Variants in CSMD1 observed in about 807,000 individuals in gnomAD.
CSMD1 encodes the protein CUB and sushi domain-containing protein 1.
CSMD1 carries 213 observed loss-of-function variants against 417.5 expected under a neutral mutation model. That is an observed-to-expected ratio of 0.51 (90% confidence interval 0.46 to 0.57). The LOEUF is 0.57. CSMD1 is among the 20% of genes least tolerant of loss of function. The pLI is 0.00. For missense variants in CSMD1, 6,923 were observed against 4,529.7 expected, an observed-to-expected ratio of 1.53 and a Z score of -15.17; for synonymous variants, 2,862 against 1,736.8, an observed-to-expected ratio of 1.65 and a Z score of -16.11.
chr8:4,634,786 A>G (rs143451254), intron 2 of CSMD1, among the ~76,000 whole-genome samples: 14 of 152,324 alleles, frequency 9.2e-5, no homozygotes, highest in Non-Finnish European at 1.3e-4. Context: ...CTGAATGTTG[A>G]AAGAGAAAAC....
At chr8:3,083,941 G>A (rs1450513264) in intron 49 of CSMD1, among the ~76,000 whole-genome samples, 2 of 151,886 alleles carry the variant, frequency 1.3e-5, no homozygotes, top group Non-Finnish European at 2.9e-5. Context: ...TTGGAATACA[G>A]GTGTCAGCCA....
intron 2 of CSMD1, among the ~76,000 whole-genome samples, chr8:4,479,675 C>T (rs951401593): frequency 3.3e-5 from 5 of 152,034 alleles, no homozygotes; most frequent in Non-Finnish European, 7.4e-5. Context: ...GTGGGTAGAC[C>T]ACGAGGTCAG....
At chr8:3,239,379 T>G (rs1255408507) in intron 26 of CSMD1, among the ~76,000 whole-genome samples, 1 of 98,060 alleles carries the variant, frequency 1.0e-5, no homozygotes, top group African/African-American at 3.1e-5. Flanking sequence ...TGAAGAATTA[T>G]GTCTGACAGA....
Position 4,151,971 on chromosome 8 carries a change from T to C in CSMD1, c.416-119872A>G, listed in dbSNP as rs117089265. 1.5e-3 allele frequency among the ~76,000 whole-genome samples: 233 copies of C among 152,300 alleles called. 4 individuals are homozygous for C. In the East Asian group the frequency reaches 0.019, roughly 12 times the overall value. ...CAATGGGAGGTGTAAGCAGTTACAATCCTTCCTGCTTGTGGTTTGCTAGGG... is the reference window on the plus strand; with the variant it reads ...CAATGGGAGGTGTAAGCAGTTACAACCCTTCCTGCTTGTGGTTTGCTAGGG... On this transcript the variant is annotated intron_variant, in intron 3 of 69. Transcript: ENST00000635120.
chr8:2,956,271 T>A (rs533486447), intron 63 of CSMD1, among the ~76,000 whole-genome samples: 1 of 152,062 alleles, frequency 6.6e-6, no homozygotes, highest in Non-Finnish European at 1.5e-5. Flanking sequence ...CTTTAATGTG[T>A]ATTTAGAAAC....
chr8:4,268,991 T>C (rs560253172), intron 3 of CSMD1, among the ~76,000 whole-genome samples: 366 of 152,348 alleles, frequency 2.4e-3, no homozygotes, highest in African/African-American at 8.4e-3. Flanking sequence ...AAACATTTTC[T>C]TAATTTCCTG....
intron 2 of CSMD1, among the ~76,000 whole-genome samples, chr8:4,457,492 A>T (rs560061823): frequency 6.6e-6 from 1 of 152,168 alleles, no homozygotes; most frequent in Non-Finnish European, 1.5e-5. Context: ...GTAGTTTTCT[A>T]TAAGAAATGA....
intron 5 of CSMD1, among the ~76,000 whole-genome samples, chr8:3,762,525 G>A (rs1173955987): frequency 2.0e-5 from 3 of 152,232 alleles, no homozygotes; most frequent in Non-Finnish European, 4.4e-5. Flanking sequence ...TATATCCTCT[G>A]TGACTCAGCG....
chr8:4,331,088 C>A (rs1563063168), intron 3 of CSMD1, among the ~76,000 whole-genome samples: 1 of 152,162 alleles, frequency 6.6e-6, no homozygotes. Context: ...CTCCAATATG[C>A]AACTACATAT....
intron 3 of CSMD1, among the ~76,000 whole-genome samples, chr8:4,153,955 C>A (rs900451900): frequency 2.0e-5 from 3 of 152,180 alleles, no homozygotes; most frequent in Non-Finnish European, 4.4e-5. Context: ...GTGTTTTCTG[C>A]ATTACTGACA....
intron 4 of CSMD1, among the ~76,000 whole-genome samples, chr8:4,005,323 G>A (rs979874630): frequency 6.6e-6 from 1 of 152,126 alleles, no homozygotes; most frequent in Admixed American, 6.5e-5. Context: ...CAAGCCTACA[G>A]ACATTCATTG....
intron 26 of CSMD1, among the ~76,000 whole-genome samples, chr8:3,269,713 A>G (rs1390012030): frequency 1.3e-5 from 2 of 152,096 alleles, no homozygotes; most frequent in Non-Finnish European, 2.9e-5. Flanking sequence ...GCTGAACTCC[A>G]TTTTCGTGAG....
intron 2 of CSMD1, among the ~76,000 whole-genome samples, chr8:4,570,956 G>C (rs979846127): frequency 6.6e-6 from 1 of 152,066 alleles, no homozygotes; most frequent in African/African-American, 2.4e-5. Context: ...TTCTGTGGTG[G>C]TACTTTGTAT....
At chr8:3,276,983 G>A (rs1802339613) in intron 26 of CSMD1, among the ~76,000 whole-genome samples, 2 of 152,104 alleles carry the variant, frequency 1.3e-5, no homozygotes, top group South Asian at 4.1e-4. Context: ...TTTGGGGACT[G>A]GAAGTGACAA....
chr8:4,287,757 T>G (rs1275518246), intron 3 of CSMD1, among the ~76,000 whole-genome samples: 1 of 151,776 alleles, frequency 6.6e-6, no homozygotes, highest in Non-Finnish European at 1.5e-5. Flanking sequence ...CCACTGAAAG[T>G]GGACCCGGTC....
At chr8:4,004,804 G>C (rs1585117026) in intron 4 of CSMD1, among the ~76,000 whole-genome samples, 1 of 152,090 alleles carries the variant, frequency 6.6e-6, no homozygotes, top group Non-Finnish European at 1.5e-5. Context: ...GAGTGCAGTG[G>C]CGCGATCTTG....
intron 5 of CSMD1, among the ~76,000 whole-genome samples, chr8:3,992,334 C>G (rs1018246660): frequency 2.0e-5 from 3 of 152,076 alleles, no homozygotes; most frequent in African/African-American, 7.2e-5. Context: ...TCTGGGGTGA[C>G]AGTTTTGTAA....
intron 1 of CSMD1, among the ~76,000 whole-genome samples, chr8:4,940,505 G>A (rs1017528557): frequency 6.6e-6 from 1 of 152,164 alleles, no homozygotes; most frequent in African/African-American, 2.4e-5. Flanking sequence ...TGCTAACCTA[G>A]GCACTTGAAT....
intron 9 of CSMD1, among the ~76,000 whole-genome samples, chr8:3,575,862 C>G (rs558292666): frequency 2.0e-5 from 3 of 149,604 alleles, no homozygotes; most frequent in East Asian, 4.0e-4. Context: ...TTTTTTAAAT[C>G]AATACACATA....
Sources: allele counts gnomAD v4.1 joint callset (sites outside exome capture counted in the v4.1 genomes callset), GRCh38; gene constraint gnomAD v4.1.1; transcripts MANE v1.5; gene names NCBI Gene and HGNC (gene_info 2026-07-23, HGNC 2026-07-21).